Variants in ANKRD13A observed in about 807,000 individuals in gnomAD.
The protein encoded by ANKRD13A is ankyrin repeat domain-containing protein 13A.
ANKRD13A carries 48 observed loss-of-function variants against 81.3 expected under a neutral mutation model. The observed-to-expected ratio is 0.59, with a 90% CI of 0.47 to 0.75. The LOEUF is 0.75. Ranked by LOEUF, ANKRD13A falls within the 30% of genes least tolerant of loss-of-function variation. The probability of loss-of-function intolerance (pLI) is 0.00; values close to 1 mark genes in which losing one functional copy is unlikely to be tolerated. For missense variants in ANKRD13A, 612 were observed against 734.0 expected, an observed-to-expected ratio of 0.83 and a Z score of 1.92; for synonymous variants, 230 against 270.1, an observed-to-expected ratio of 0.85 and a Z score of 1.45.
chr12:110,026,986 T>C (rs538191445), intron 8 of ANKRD13A: 7 of 152,342 alleles, frequency 4.6e-5, no homozygotes, highest in Non-Finnish European at 8.8e-5. Context: ...TGAGGGCTTG[T>C]TTATGTGTTA....
rs1052895924 is a variant in ANKRD13A, at chr12:109,999,987, C to T, written c.96+203C>T. Among the ~76,000 whole-genome samples, 1 of 152,232 alleles carries T rather than the reference C, an allele frequency of 6.6e-6. No homozygotes were observed. Among genetic ancestry groups the T allele is most frequent in the African/African-American group, 2.4e-5 (1 of 41,462 alleles). On this transcript the variant is annotated intron_variant, in intron 1 of 14. Coordinates refer to ENST00000261739, the MANE Select transcript of ANKRD13A (RefSeq NM_033121.2). The surrounding 1 kb of genome is among the most constrained non-coding windows in gnomAD (Gnocchi z 4.3). Reference sequence around the variant, plus strand: ...GCTTTTTAAATATCTTCTCTCTTCACCTTTCCAATAACGCTGGTGGGTAGG... The same window carrying T: ...GCTTTTTAAATATCTTCTCTCTTCATCTTTCCAATAACGCTGGTGGGTAGG...
Position 110,018,298 on chromosome 12 carries a change from C to T in ANKRD13A, c.401-47C>T, listed in dbSNP as rs1316428082. On this transcript the variant is annotated intron_variant, in intron 4 of 14. Coordinates refer to ENST00000261739, the MANE Select transcript of ANKRD13A (RefSeq NM_033121.2). This position sits in a 1 kb window ranked among gnomAD's most constrained non-coding sequence, Gnocchi z 4.4. Reference sequence around the variant, plus strand: ...ATCCTGATTTCCTGGCCTAGGTATTCTTCTTGGCCCTTGAGTTTTTCTCAG... The same window carrying T: ...ATCCTGATTTCCTGGCCTAGGTATTTTTCTTGGCCCTTGAGTTTTTCTCAG... The T allele has an allele frequency of 5.7e-6, 9 of 1,584,784 alleles. No homozygotes were observed. The highest frequency in any genetic ancestry group is 7.8e-6 in the Non-Finnish European group (9 of 1,160,192).
At chr12:110,016,469 C>G in intron 4 of ANKRD13A, 36 bp downstream of exon 4, 2 of 1,541,176 alleles carry the variant, frequency 1.3e-6, no homozygotes, top group Non-Finnish European at 1.8e-6. Context: ...ATTTCTCTTT[C>G]TAAATTTACT....
At chr12:110,004,608 G>T (rs1458804075) in intron 1 of ANKRD13A, among the ~76,000 whole-genome samples, 1 of 152,114 alleles carries the variant, frequency 6.6e-6, no homozygotes, top group East Asian at 1.9e-4. Flanking sequence ...TCCAGCCTGG[G>T]CAACAAGAGG....
chr12:110,011,299 C>T (rs181330010), intron 1 of ANKRD13A, among the ~76,000 whole-genome samples: 23 of 152,148 alleles, frequency 1.5e-4, no homozygotes, highest in Admixed American at 7.2e-4. Flanking sequence ...AGAATAGGAA[C>T]GAAGAGGTAA....
chr12:110,018,220 TCC>T lies in ANKRD13A; in HGVS notation c.401-124_401-123del. 1.0e-6 allele frequency: 1 copy of T among 958,942 alleles called. No individual in the cohort carries two copies. Among genetic ancestry groups the T allele is most frequent in the South Asian group, 2.0e-5 (1 of 50,052 alleles). 59.4% of individuals were successfully genotyped at this position (958,942 alleles called of 1,614,324 possible). A position where few individuals can be genotyped will look rare whatever the true frequency, so the allele number is the denominator to read the frequency against. On this transcript the variant is annotated intron_variant, in intron 4 of 14. Transcript: ENST00000261739. This position sits in a 1 kb window ranked among gnomAD's most constrained non-coding sequence, Gnocchi z 4.4. ...TATGGTAAATATGAAAGCCAAGAAG[TCC>T]GTTGTTTGATGGTCACCATCTTGCC...
chr12:110,014,573 T>A (rs1343583378), intron 3 of ANKRD13A, among the ~76,000 whole-genome samples: 1 of 152,206 alleles, frequency 6.6e-6, no homozygotes, highest in African/African-American at 2.4e-5. Flanking sequence ...CTGTCATTGA[T>A]GTCTTGTCTT....
At chr12:110,016,323 C>A in intron 3 of ANKRD13A, 65 bp from the exon 4 acceptor site, 2 of 1,234,846 alleles carry the variant, frequency 1.6e-6, no homozygotes, top group South Asian at 3.5e-5. Context: ...ACCCTGTTAA[C>A]CCCTGCTTAT....
At chr12:110,008,608 G>C (rs1890356292) in intron 1 of ANKRD13A, among the ~76,000 whole-genome samples, 3 of 152,202 alleles carry the variant, frequency 2.0e-5, no homozygotes, top group African/African-American at 7.2e-5. Flanking sequence ...GTGAAGTCCA[G>C]GCATGGTGGC....
chr12:110,025,925 T>C (rs990651070), intron 8 of ANKRD13A, 102 bp downstream of exon 8: 30 of 1,004,836 alleles, frequency 3.0e-5, no homozygotes, highest in South Asian at 7.7e-5. Context: ...TGTGATTGGG[T>C]TGTGTTAAGC....
rs79189647 is a variant in ANKRD13A, at chr12:110,037,421, C to G, written c.1640C>G (p.Thr547Arg). The part of the protein sequence containing the change: ...EGLCPSALSE[T>R]SRFDNDLQLA... ...CTGTGCCCCAGCGCCCTGAGCGAGA[C>G]AAGCCGTTTTGATAATGACTTGCAG... Residue 547 changes from threonine to arginine, a missense_variant, in exon 15 of 15, where the codon ACA becomes AGA. Coordinates refer to ENST00000261739, the MANE Select transcript of ANKRD13A (RefSeq NM_033121.2). The G allele has an allele frequency of 6.2e-7, 1 of 1,612,176 alleles. No individual in the cohort carries two copies. Among genetic ancestry groups the G allele is most frequent in the Non-Finnish European group, 8.5e-7 (1 of 1,179,690 alleles).
intron 7 of ANKRD13A, among the ~76,000 whole-genome samples, chr12:110,024,519 G>A (rs145877929): frequency 5.5e-4 from 84 of 152,232 alleles, no homozygotes; most frequent in African/African-American, 1.9e-3. Flanking sequence ...ATCAGCAGGC[G>A]CACAGCCCAT....
chr12:110,021,981 G>A (rs1163991575), intron 6 of ANKRD13A: 1 of 151,864 alleles, frequency 6.6e-6, no homozygotes, highest in Non-Finnish European at 1.5e-5. Flanking sequence ...GTGGCCTTTG[G>A]TGTGGTCTCA....
intron 3 of ANKRD13A, among the ~76,000 whole-genome samples, chr12:110,015,386 C>T (rs1890736880): frequency 6.6e-6 from 1 of 152,202 alleles, no homozygotes; most frequent in Non-Finnish European, 1.5e-5. Context: ...ATTGACATTC[C>T]CTGCCCTTTG....
intron 1 of ANKRD13A, among the ~76,000 whole-genome samples, chr12:110,011,648 A>G (rs1184767771): frequency 6.6e-6 from 1 of 152,128 alleles, no homozygotes; most frequent in African/African-American, 2.4e-5. Flanking sequence ...GAAATCCCCC[A>G]TGTTCAGTGT....
In ANKRD13A at chr12:110,013,273, C is replaced by T. The variant is rs759775857; in HGVS notation, c.354+24C>T. The T allele has an allele frequency of 5.4e-5, 87 of 1,612,918 alleles. 1 individual carries two copies. Among genetic ancestry groups the T allele is most frequent in the Non-Finnish European group, 7.2e-5 (85 of 1,179,548 alleles). On this transcript the variant is annotated intron_variant, in intron 3 of 14. Transcript: ENST00000261739. ...AGGTATCCATGAAAATGTGGCCAGG[C>T]CATAATCTGAGCTAAATGCTGATAC...
At chr12:110,027,417 G>A (rs987869282) in intron 8 of ANKRD13A, 9 of 367,028 alleles carry the variant, frequency 2.5e-5, no homozygotes, top group African/African-American at 6.3e-5. Flanking sequence ...CATGGGTAGC[G>A]AGTGGCCAAG....
At position 110,036,167 on chromosome 12, in the gene ANKRD13A, T is replaced by C. The variant is rs555126031; in HGVS notation, c.1510-94T>C. ...CTATTGATAATGGTCATGGAAAGAC[T>C]TTTAATTTGGTTCTTGCTGCCATCG... On this transcript the variant is annotated intron_variant, in intron 13 of 14. Coordinates refer to ENST00000261739, the MANE Select transcript of ANKRD13A (RefSeq NM_033121.2). The surrounding 1 kb of genome is among the most constrained non-coding windows in gnomAD (Gnocchi z 4.6). 8.3e-7 allele frequency: 1 copy of C among 1,201,134 alleles called. No homozygotes were observed. Among genetic ancestry groups the C allele is most frequent in the South Asian group, 1.2e-5 (1 of 82,188 alleles). 74.4% of individuals were successfully genotyped at this position (1,201,134 alleles called of 1,614,324 possible).
At chr12:110,020,862 G>T (rs184916771) in intron 6 of ANKRD13A, among the ~76,000 whole-genome samples, 1 of 152,338 alleles carries the variant, frequency 6.6e-6, no homozygotes, top group East Asian at 1.9e-4. Flanking sequence ...TTAGCTGAAA[G>T]AAATAATTGA....
Sources: allele counts gnomAD v4.1 joint callset (sites outside exome capture counted in the v4.1 genomes callset), GRCh38; gene constraint gnomAD v4.1.1; non-coding constraint Gnocchi (gnomAD v3.1); transcripts MANE v1.5; gene names NCBI Gene and HGNC (gene_info 2026-07-23, HGNC 2026-07-21).